The following TJP3 variants were observed in gnomAD, a reference collection of about 807,000 sequenced individuals.
TJP3 encodes tight junction protein ZO-3.
A neutral mutation model predicts 104.2 loss-of-function variants in TJP3; 85 were observed. The observed-to-expected ratio is 0.82, with a 90% confidence interval of 0.68 to 0.98. The LOEUF (loss-of-function observed/expected upper bound fraction) is 0.98, where lower values mean the gene tolerates loss of function less well. Among genes scored for constraint, TJP3 ranks in the 50% least tolerant of loss-of-function variants. The pLI, the probability that TJP3 is intolerant of heterozygous loss-of-function variation, is 0.00. For missense variants in TJP3, 1,367 were observed against 1,322.8 expected (o/e 1.03, Z -0.52); for synonymous variants, 550 against 550.6 (o/e 1.00, Z 0.02).
chr19:3,748,848 C>CTTTT (rs71166925), intron 19 of TJP3, among the ~76,000 whole-genome samples: 1 of 48,784 alleles, frequency 2.0e-5, no homozygotes, highest in Non-Finnish European at 3.5e-5. Flanking sequence ...TGCACCCGGC[C>CTTTT]TTTTTTTTTT....
At position 3,729,929 on chromosome 19, in the gene TJP3, A is replaced by G. The variant is rs2036646515; in HGVS notation, c.159-99A>G. 9.1e-6 allele frequency: 8 copies of G among 874,824 alleles called. No homozygotes were observed. The East Asian group carries it at 1.9e-4, about 21-fold the overall frequency. 54.2% of individuals were successfully genotyped at this position (874,824 alleles called of 1,614,324 possible). Reference sequence around the variant, plus strand: ...CCAATGAATTAGAACCAGGCCTTGTAGATCTGGAGGTTCCAGGGGCACCCC... The same window carrying G: ...CCAATGAATTAGAACCAGGCCTTGTGGATCTGGAGGTTCCAGGGGCACCCC... On this transcript the variant is annotated intron_variant, in intron 3 of 20. Coordinates refer to ENST00000541714, the MANE Select transcript of TJP3 (RefSeq NM_001267560.2).
chr19:3,739,132 C>T lies in TJP3; in HGVS notation c.1629C>T (p.Ser543=), dbSNP rs1362636175. 1 of 1,536,172 alleles carries T rather than the reference C, an allele frequency of 6.5e-7. No homozygotes were observed. Among genetic ancestry groups the T allele is most frequent in the Admixed American group, 1.9e-5 (1 of 52,788 alleles). Residue 543 remains serine (S), a splice_region_variant and synonymous_variant, in exon 13 of 21, where the codon AGC becomes AGT. Transcript: ENST00000541714. Reference sequence around the variant, plus strand: ...AGCGGGGCATCATTCCCAACCAGAGCAGGTGGGGACTGTGTGCTCCTGCAG... The same window carrying T: ...AGCGGGGCATCATTCCCAACCAGAGTAGGTGGGGACTGTGTGCTCCTGCAG... ...EQERGIIPNQ[S]RAEQLASLEA... is the part of the protein sequence containing the mutation.
intron 1 of TJP3, among the ~76,000 whole-genome samples, chr19:3,718,538 G>A (rs534150582): frequency 6.6e-6 from 1 of 150,628 alleles, no homozygotes; most frequent in African/African-American, 2.4e-5. Flanking sequence ...GCGCAATCTT[G>A]GCTGACTGCA....
At chr19:3,741,108 C>T (rs1392456174) in intron 14 of TJP3, among the ~76,000 whole-genome samples, 1 of 152,056 alleles carries the variant, frequency 6.6e-6, no homozygotes, top group Non-Finnish European at 1.5e-5. Flanking sequence ...TCAAGCGATT[C>T]TCTTGCCTCA....
chr19:3,738,467 T>G, intron 11 of TJP3, 88 bp from the exon 12 acceptor site: 30 of 1,180,830 alleles, frequency 2.5e-5, no homozygotes, highest in Non-Finnish European at 3.4e-5. Flanking sequence ...CAGCTGGGGC[T>G]GAGTTTTGCC....
Position 3,730,092 on chromosome 19 carries a change from A to G in TJP3, c.223A>G (p.Ile75Val). 1.5e-5 allele frequency: 24 copies of G among 1,614,136 alleles called. No individual in the cohort carries two copies. The highest frequency in any genetic ancestry group is 2.0e-5 in the Non-Finnish European group (24 of 1,180,026). The change falls in exon 4 of 21, where the codon ATT becomes GTT. Residue 75 changes from isoleucine to valine, a missense_variant. Transcript: ENST00000541714. The surrounding 1 kb of genome is among the most constrained non-coding windows in gnomAD (Gnocchi z 7.3). ...GGAGAATGCCACCTCCGCGTTTGCCATTCAGATACTCAAGACCTGCACCAA... is the reference window on the plus strand; with the variant it reads ...GGAGAATGCCACCTCCGCGTTTGCCGTTCAGATACTCAAGACCTGCACCAA... ...SMENATSAFA[I>V]QILKTCTKMA...
chr19:3,711,736 C>CAAAAA (rs1450285054), intron 1 of TJP3, among the ~76,000 whole-genome samples: 3 of 24,654 alleles, frequency 1.2e-4, no homozygotes, highest in Admixed American at 9.4e-4. Context: ...ACTAAAAGTA[C>CAAAAA]AAAAAAAAAA....
rs553198478 is a variant in TJP3 at position 3,742,823 on chromosome 19, G to A, written c.1844-1116G>A. Among the ~76,000 whole-genome samples, 16 of 149,924 alleles carry A rather than the reference G, an allele frequency of 1.1e-4. No homozygotes were observed. In the East Asian group the frequency reaches 2.4e-3, roughly 23 times the overall value. On this transcript the variant is annotated intron_variant, in intron 14 of 20. Transcript: ENST00000541714. ...TCTACTGAAAATACAAAAATTAGCC[G>A]GGCGTGGTGGTGGGCGCCTCTAATC...
chr19:3,718,893 C>G (rs560435118), intron 1 of TJP3, among the ~76,000 whole-genome samples: 1 of 152,016 alleles, frequency 6.6e-6, no homozygotes. Flanking sequence ...ATTTAAAGAT[C>G]GCTGGACTGG....
chr19:3,717,519 G>A (rs1009004176), intron 1 of TJP3, among the ~76,000 whole-genome samples: 3 of 150,244 alleles, frequency 2.0e-5, no homozygotes, highest in Admixed American at 2.0e-4. Flanking sequence ...CACTGCAACC[G>A]CCGCCTCCCA....
intron 3 of TJP3, 100 bp downstream of exon 3, chr19:3,728,813 G>T: frequency 7.6e-7 from 1 of 1,313,170 alleles, no homozygotes; most frequent in African/African-American, 1.4e-5. Flanking sequence ...AGCACTTTGC[G>T]AGGCTGAAGT....
At chr19:3,717,599 C>CCCA (rs2036492330) in intron 1 of TJP3, among the ~76,000 whole-genome samples, 1 of 151,642 alleles carries the variant, frequency 6.6e-6, no homozygotes, top group African/African-American at 2.4e-5. Context: ...CCATCCTTGG[C>CCCA]TAATTTTTCG....
chr19:3,709,643 G>C (rs1279798106), intron 1 of TJP3, among the ~76,000 whole-genome samples: 1 of 152,196 alleles, frequency 6.6e-6, no homozygotes, highest in Non-Finnish European at 1.5e-5. Context: ...ATCGCATAGT[G>C]GGGGACAGAG....
At chr19:3,748,875 T>C (rs11880403) in intron 19 of TJP3, among the ~76,000 whole-genome samples, 2 of 120,426 alleles carry the variant, frequency 1.7e-5, no homozygotes, top group Non-Finnish European at 3.3e-5. Flanking sequence ...TTTTTTTTTT[T>C]TGAGTTAGAG....
At position 3,742,458 on chromosome 19, in the gene TJP3, G is replaced by A. The variant is rs367701949; in HGVS notation, c.1844-1481G>A. On this transcript the variant is annotated intron_variant, in intron 14 of 20. Transcript: ENST00000541714. ...GAAAAATGCCTCATCCTGATTTCAG[G>A]AAGGGAAGAGATTAAGCTCTTATCA... Among the ~76,000 whole-genome samples the A allele has an allele frequency of 1.8e-4, 28 of 151,504 alleles. No homozygotes were observed. In the East Asian group the frequency reaches 3.8e-3, roughly 20 times the overall value.
rs2036649968 is a variant in TJP3 at position 3,730,172 on chromosome 19, A to C, written c.261+42A>C. The C allele has an allele frequency of 6.3e-7, 1 of 1,589,578 alleles. No individual in the cohort carries two copies. Among genetic ancestry groups the C allele is most frequent in the Non-Finnish European group, 8.6e-7 (1 of 1,158,126 alleles). On this transcript the variant is annotated intron_variant, in intron 4 of 20. Transcript: ENST00000541714. This position sits in a 1 kb window ranked among gnomAD's most constrained non-coding sequence, Gnocchi z 7.3. ...TGGCATGGCCAGCATCTCTGACCCC[A>C]GCCTGGGTCGTGCCGCTGTGGGGGT...
intron 5 of TJP3, among the ~76,000 whole-genome samples, chr19:3,731,593 A>G (rs547512520): frequency 6.6e-6 from 1 of 152,288 alleles, no homozygotes; most frequent in South Asian, 2.1e-4. Context: ...AGATTTTGCC[A>G]CTGCACTCCA....
At chr19:3,713,087 C>T (rs966877524) in intron 1 of TJP3, among the ~76,000 whole-genome samples, 1 of 152,132 alleles carries the variant, frequency 6.6e-6, no homozygotes, top group Non-Finnish European at 1.5e-5. Context: ...AAGTGCCCCC[C>T]ATGAGGTCCT....
intron 1 of TJP3, among the ~76,000 whole-genome samples, chr19:3,720,582 T>C (rs1015983378): frequency 2.0e-5 from 3 of 151,944 alleles, no homozygotes; most frequent in Admixed American, 1.3e-4. Context: ...TTTACCCTTT[T>C]AACCTTGGGG....
Sources: allele counts gnomAD v4.1 joint callset (sites outside exome capture counted in the v4.1 genomes callset), GRCh38; gene constraint gnomAD v4.1.1; non-coding constraint Gnocchi (gnomAD v3.1); transcripts MANE v1.5; gene names NCBI Gene and HGNC (gene_info 2026-07-23, HGNC 2026-07-21).